The following TF variants were observed in gnomAD, a reference collection of about 807,000 sequenced individuals.
TF encodes the protein serotransferrin.
A neutral mutation model predicts 82.4 loss-of-function variants in TF; 55 were observed. That is an observed-to-expected ratio of 0.67 (90% CI 0.54 to 0.84). The LOEUF is 0.84. TF is among the 40% of genes least tolerant of loss of function. The pLI is 0.00. For synonymous variants in TF, 332 were observed against 332.6 expected, an observed-to-expected ratio of 1.00 and a Z score of 0.02; for missense variants, 737 against 868.4, an observed-to-expected ratio of 0.85 and a Z score of 1.90.
intron 14 of TF, among the ~76,000 whole-genome samples, chr3:133,771,265 C>CA (rs1361977443): frequency 6.6e-6 from 1 of 152,016 alleles, no homozygotes; most frequent in Non-Finnish European, 1.5e-5. Flanking sequence ...GAATTTTGAG[C>CA]ATTAAAATAA....
upstream of TF, among the ~76,000 whole-genome samples, chr3:133,742,928 G>A (rs1000321689): frequency 6.6e-5 from 10 of 152,126 alleles, no homozygotes; most frequent in East Asian, 1.9e-4. Flanking sequence ...CCCTGTTTGC[G>A]GTGAAAGATT....
chr3:133,667,572 G>C, the TF span, among the ~76,000 whole-genome samples: 1 of 152,084 alleles, frequency 6.6e-6, no homozygotes, highest in African/African-American at 2.4e-5. Flanking sequence ...AGAGAGGTAT[G>C]GGGCCAAAGA....
intron 8 of TF, among the ~76,000 whole-genome samples, chr3:133,758,800 C>T (rs768054394): frequency 6.6e-6 from 1 of 152,154 alleles, no homozygotes; most frequent in Non-Finnish European, 1.5e-5. Flanking sequence ...AGGCAGGGCC[C>T]TTTCTGTGTT....
chr3:133,699,321 GA>G, the TF span: 6 of 447,912 alleles, frequency 1.3e-5, no homozygotes, highest in Non-Finnish European at 2.0e-5. Context: ...AATGTTTTTG[GA>G]AAAAAATTCT....
At chr3:133,738,672 GACAA>G in the TF span, among the ~76,000 whole-genome samples, 5 of 152,088 alleles carry the variant, frequency 3.3e-5, no homozygotes, top group African/African-American at 4.8e-5. Flanking sequence ...ACCAATAACA[GACAA>G]ACAGAGCACC....
Position 133,752,101 on chromosome 3 carries a change from T to G in TF, c.217-1494T>G, listed in dbSNP as rs540534920. 1.9e-3 allele frequency among the ~76,000 whole-genome samples: 290 copies of G among 150,882 alleles called. 2 individuals carry two copies. The highest frequency in any genetic ancestry group is 5.5e-4 in the Non-Finnish European group (37 of 67,492). The stretch of plus-strand genomic sequence containing the variant: ...AACTATAGCTTTTGCTTTGTAATTT[T>G]TTTTTTTTTTTTTGAGAGTCTTGCT... On this transcript the variant is annotated intron_variant, in intron 2 of 16. Coordinates refer to ENST00000402696, the MANE Select transcript of TF (RefSeq NM_001063.4).
At chr3:133,731,384 C>T in the TF span, among the ~76,000 whole-genome samples, 1 of 152,220 alleles carries the variant, frequency 6.6e-6, no homozygotes, top group Non-Finnish European at 1.5e-5. Context: ...ACAGCTCAGG[C>T]TATTGAGTTC....
chr3:133,708,618 C>G, the TF span, among the ~76,000 whole-genome samples: 1 of 151,312 alleles, frequency 6.6e-6, no homozygotes, highest in Admixed American at 6.6e-5. Flanking sequence ...TCTTGGCACC[C>G]CTTCCACTAA....
chr3:133,736,767 A>G, the TF span, among the ~76,000 whole-genome samples: 7 of 152,152 alleles, frequency 4.6e-5, no homozygotes, highest in African/African-American at 1.2e-4. Context: ...AAGAAGAGCT[A>G]ATTATCCTAA....
Position 133,764,270 on chromosome 3 carries a change from A to G in TF, c.1292A>G (p.Tyr431Cys). 6.2e-7 allele frequency: 1 copy of G among 1,613,356 alleles called. No homozygotes were observed. The highest frequency in any genetic ancestry group is 8.5e-7 in the Non-Finnish European group (1 of 1,179,304). ...CGLVPVLAEN[Y>C]NKSDNCEDTP... ...CTGGTGCCTGTCTTGGCAGAAAACT[A>G]CAATAGTAAGTGGTGGGGAGCACCT... Residue 431 changes from tyrosine to cysteine, a missense_variant, in exon 10 of 17, where the codon TAC (tyrosine) becomes TGC (cysteine). Transcript: ENST00000402696.
intron 2 of TF, among the ~76,000 whole-genome samples, chr3:133,749,218 G>T (rs1371592496): frequency 6.6e-6 from 1 of 152,124 alleles, no homozygotes; most frequent in Non-Finnish European, 1.5e-5. Flanking sequence ...ACCTTCTTTG[G>T]CAGCTTTTGA....
At chr3:133,733,594 T>C in the TF span, among the ~76,000 whole-genome samples, 1 of 152,214 alleles carries the variant, frequency 6.6e-6, no homozygotes, top group Non-Finnish European at 1.5e-5. Flanking sequence ...AAGGGGTTTC[T>C]TAGCCAGGTA....
At chr3:133,719,924 A>G in the TF span, among the ~76,000 whole-genome samples, 1 of 152,244 alleles carries the variant, frequency 6.6e-6, no homozygotes, top group African/African-American at 2.4e-5. Context: ...GCGTATGAAA[A>G]TGATACTGAT....
chr3:133,770,279 C>G (rs1053265098), intron 13 of TF, among the ~76,000 whole-genome samples: 1 of 152,174 alleles, frequency 6.6e-6, no homozygotes, highest in African/African-American at 2.4e-5. Context: ...CTCAGAGAAA[C>G]AGTACAAAAA....
At chr3:133,725,898 A>G in the TF span, among the ~76,000 whole-genome samples, 4 of 152,142 alleles carry the variant, frequency 2.6e-5, no homozygotes, top group Non-Finnish European at 4.4e-5. Context: ...TGCCTTTTCT[A>G]CATCTATTGA....
At chr3:133,769,103 C>G (rs1278463398) in intron 13 of TF, among the ~76,000 whole-genome samples, 28 of 152,064 alleles carry the variant, frequency 1.8e-4, no homozygotes, top group Admixed American at 1.8e-3. Flanking sequence ...TACCTTATTA[C>G]TTTTTAACTA....
the TF span, among the ~76,000 whole-genome samples, chr3:133,665,742 C>G: frequency 6.6e-6 from 1 of 151,428 alleles, no homozygotes; most frequent in Non-Finnish European, 1.5e-5. Flanking sequence ...ATCGGGAGTT[C>G]GAGACCAGCC....
At chr3:133,733,378 T>C in the TF span, among the ~76,000 whole-genome samples, 1 of 152,126 alleles carries the variant, frequency 6.6e-6, no homozygotes, top group East Asian at 1.9e-4. Flanking sequence ...CTCCTTCCCA[T>C]CTTTGCCAAG....
At chr3:133,718,336 T>C in the TF span, among the ~76,000 whole-genome samples, 4 of 152,144 alleles carry the variant, frequency 2.6e-5, no homozygotes, top group Admixed American at 2.6e-4. Context: ...GGGTCCCTGG[T>C]GAGGACATGT....
Sources: allele counts gnomAD v4.1 joint callset (sites outside exome capture counted in the v4.1 genomes callset), GRCh38; gene constraint gnomAD v4.1.1; transcripts MANE v1.5; gene names NCBI Gene and HGNC (gene_info 2026-07-23, HGNC 2026-07-21).